The following PCNX2 variants were observed in gnomAD, a reference collection of about 807,000 sequenced individuals.
PCNX2 encodes pecanex 2.
PCNX2 carries 168 observed loss-of-function variants against 223.8 expected under a neutral mutation model. The ratio of observed to expected loss-of-function variants is 0.75; its 90% CI spans 0.66 to 0.85. The LOEUF (loss-of-function observed/expected upper bound fraction) is 0.85. Ranked by LOEUF, PCNX2 falls within the 40% of genes least tolerant of loss-of-function variation. PCNX2 has a pLI of 0.00. For missense variants in PCNX2, 2,507 were observed against 2,675.5 expected (o/e 0.94, Z 1.39); for synonymous variants, 1,006 against 1,052.6 (o/e 0.96, Z 0.86).
At chr1:233,205,519 C>T (rs1681391332) in intron 13 of PCNX2, among the ~76,000 whole-genome samples, 1 of 152,070 alleles carries the variant, frequency 6.6e-6, no homozygotes. Context: ...CATGGTGAAA[C>T]CCCGTATCTA....
chr1:233,113,945 G>A (rs928539915), intron 21 of PCNX2, among the ~76,000 whole-genome samples: 4 of 152,156 alleles, frequency 2.6e-5, no homozygotes, highest in Non-Finnish European at 4.4e-5. Flanking sequence ...TCAACATTCC[G>A]GAGTTTTATT....
intron 10 of PCNX2, among the ~76,000 whole-genome samples, chr1:233,219,431 G>A (rs369314572): frequency 6.6e-6 from 1 of 152,104 alleles, no homozygotes; most frequent in African/African-American, 2.4e-5. Flanking sequence ...AGTCACAGGG[G>A]ACGGCATGGA....
intron 19 of PCNX2, among the ~76,000 whole-genome samples, chr1:233,155,023 G>A (rs1414247943): frequency 2.1e-5 from 3 of 144,928 alleles, no homozygotes; most frequent in Admixed American, 7.1e-5. Flanking sequence ...AGCTGGGATC[G>A]AGCCACTGCA....
chr1:233,214,524 C>T (rs1385515541), intron 12 of PCNX2, among the ~76,000 whole-genome samples: 1 of 152,176 alleles, frequency 6.6e-6, no homozygotes, highest in Admixed American at 6.5e-5. Context: ...GGGGGGAAAT[C>T]GAGCTCTGCC....
At chr1:233,318,556 T>C in the PCNX2 span, among the ~76,000 whole-genome samples, 1 of 124,330 alleles carries the variant, frequency 8.0e-6, no homozygotes, top group Non-Finnish European at 1.6e-5. Context: ...TTTTTCTTTT[T>C]CTTTTTCTTT....
chr1:233,244,860 AC>A (rs1304540332), intron 8 of PCNX2, among the ~76,000 whole-genome samples: 3 of 152,228 alleles, frequency 2.0e-5, no homozygotes, highest in Non-Finnish European at 4.4e-5. Context: ...GGAGAAGATC[AC>A]ATTCTGTGTT....
chr1:233,176,083 C>G (rs764283528), intron 17 of PCNX2, among the ~76,000 whole-genome samples: 16 of 152,302 alleles, frequency 1.1e-4, no homozygotes, highest in Non-Finnish European at 1.9e-4. Context: ...CAGACTATTT[C>G]TCTTTTCCTT....
At chr1:233,274,718 A>G (rs1660821521) in intron 1 of PCNX2, among the ~76,000 whole-genome samples, 1 of 152,240 alleles carries the variant, frequency 6.6e-6, no homozygotes, top group Non-Finnish European at 1.5e-5. Context: ...CAGAGGAAAC[A>G]GCATGAGAAA....
intron 23 of PCNX2, among the ~76,000 whole-genome samples, chr1:233,059,271 T>C (rs1250087064): frequency 6.6e-6 from 1 of 152,200 alleles, no homozygotes; most frequent in African/African-American, 2.4e-5. Context: ...ACCTCTCTTT[T>C]GGAGCACCTG....
At chr1:233,015,988 A>G (rs1279890998) in intron 27 of PCNX2, among the ~76,000 whole-genome samples, 2 of 152,180 alleles carry the variant, frequency 1.3e-5, no homozygotes, top group African/African-American at 4.8e-5. Flanking sequence ...AATTCCATGA[A>G]CCATCTGAGG....
chr1:233,237,011 A>G lies in PCNX2; in HGVS notation c.2223-31T>C, dbSNP rs564351680. 3 of 1,612,612 alleles carry G rather than the reference A, an allele frequency of 1.9e-6. No homozygotes were observed. The East Asian group carries it at 6.7e-5, about 36-fold the overall frequency. On this transcript the variant is annotated intron_variant, in intron 8 of 33. Transcript: ENST00000258229. ...GATGGGCAAAACAAAAGCTTTGGTTACCTGGTAATACCAGAAGTCATCTAT... is the reference window on the plus strand; with the variant it reads ...GATGGGCAAAACAAAAGCTTTGGTTGCCTGGTAATACCAGAAGTCATCTAT...
At chr1:233,111,384 T>A (rs1445969197) in intron 21 of PCNX2, among the ~76,000 whole-genome samples, 1 of 152,212 alleles carries the variant, frequency 6.6e-6, no homozygotes, top group Non-Finnish European at 1.5e-5. Context: ...GTTGCACTTA[T>A]GAGATTGTTT....
chr1:233,057,668 G>T, intron 23 of PCNX2: 1 of 178,830 alleles, frequency 5.6e-6, no homozygotes, highest in Non-Finnish European at 1.1e-5. Flanking sequence ...TCAGGAGCTT[G>T]GTACCAGTCT....
chr1:233,218,662 T>A (rs1657178158), intron 10 of PCNX2, among the ~76,000 whole-genome samples: 2 of 152,328 alleles, frequency 1.3e-5, no homozygotes, highest in South Asian at 4.1e-4. Context: ...TAGGGTTTCT[T>A]TCTTTCCTTA....
At chr1:233,248,311 T>G (rs1028839492) in intron 8 of PCNX2, among the ~76,000 whole-genome samples, 1 of 152,026 alleles carries the variant, frequency 6.6e-6, no homozygotes, top group Admixed American at 6.5e-5. Flanking sequence ...CAGCTGTGTG[T>G]GTGTACGTAA....
chr1:233,327,058 G>T, the PCNX2 span, among the ~76,000 whole-genome samples: 4 of 152,062 alleles, frequency 2.6e-5, no homozygotes, highest in African/African-American at 7.2e-5. Context: ...CTTGCCACTC[G>T]CACTGGCCCA....
intron 20 of PCNX2, among the ~76,000 whole-genome samples, chr1:233,137,257 T>G (rs964051448): frequency 1.3e-5 from 2 of 152,144 alleles, no homozygotes; most frequent in Admixed American, 1.3e-4. Context: ...GTGTGCACAG[T>G]AGGTGCACTG....
intron 25 of PCNX2, among the ~76,000 whole-genome samples, chr1:233,045,494 T>C (rs1269200529): frequency 6.6e-6 from 1 of 152,200 alleles, no homozygotes; most frequent in Non-Finnish European, 1.5e-5. Context: ...CATCAGCCAC[T>C]GAAATTTGGG....
intron 12 of PCNX2, among the ~76,000 whole-genome samples, chr1:233,213,528 C>A (rs1306079720): frequency 6.6e-6 from 1 of 152,010 alleles, no homozygotes; most frequent in African/African-American, 2.4e-5. Context: ...TACCACTTTC[C>A]CAATTTTTCT....
Sources: allele counts gnomAD v4.1 joint callset (sites outside exome capture counted in the v4.1 genomes callset), GRCh38; gene constraint gnomAD v4.1.1; transcripts MANE v1.5; gene names NCBI Gene and HGNC (gene_info 2026-07-23, HGNC 2026-07-21).